CHEK2: variants seen among roughly 807,000 people sequenced by gnomAD.
The protein encoded by CHEK2 is serine/threonine-protein kinase Chk2.
CHEK2 carries 71 observed loss-of-function variants against 69.1 expected under a neutral mutation model. That is an observed-to-expected ratio of 1.03 (90% CI 0.85 to 1.25). The LOEUF is 1.25. Ranked by LOEUF, CHEK2 falls within the 50% of genes most tolerant of loss-of-function variation. CHEK2 has a pLI of 0.00. For synonymous variants in CHEK2, 189 were observed against 226.9 expected (o/e 0.83, Z 1.50); for missense variants, 664 against 649.6 (o/e 1.02, Z -0.24).
intron 7 of CHEK2, among the ~76,000 whole-genome samples, chr22:28,706,809 G>A (rs1685909547): frequency 6.6e-6 from 1 of 152,010 alleles, no homozygotes. Context: ...ATCCCAGCTA[G>A]TCAGGAGGCT....
In CHEK2 at chr22:28,727,231, C is replaced by T. The variant is rs1212431180; in HGVS notation, c.320-1864G>A. ...TAATTTTTTGTAATTTTAGTAGAGA[C>T]GGGGTTTCGCCATGTTAGACAGGAT... On this transcript the variant is annotated intron_variant, in intron 2 of 14. Transcript: ENST00000404276. Among the ~76,000 whole-genome samples the T allele has an allele frequency of 3.9e-5, 6 of 152,032 alleles. No homozygotes were observed. The South Asian group carries it at 8.3e-4, about 21-fold the overall frequency.
chr22:28,709,206 C>T (rs888878507), intron 7 of CHEK2, among the ~76,000 whole-genome samples: 3 of 152,028 alleles, frequency 2.0e-5, no homozygotes, highest in African/African-American at 7.2e-5. Context: ...GTCATCATTG[C>T]ACAAAAAGAT....
At position 28,731,073 on chromosome 22, in the gene CHEK2, C is replaced by T. The variant is rs189405730; in HGVS notation, c.319+3330G>A. Among the ~76,000 whole-genome samples the T allele has an allele frequency of 7.4e-3, 1,123 of 151,548 alleles. 15 individuals carry two copies. The highest frequency in any genetic ancestry group is 0.026 in the African/African-American group (1,083 of 41,302). ...AAAAAGTTAGCTGGGAGTGGTGGTGCACATCTGTGGTCCCAGCTACTCAGG... is the reference window on the plus strand; with the variant it reads ...AAAAAGTTAGCTGGGAGTGGTGGTGTACATCTGTGGTCCCAGCTACTCAGG... On this transcript the variant is annotated intron_variant, in intron 2 of 14. Coordinates refer to ENST00000404276, the MANE Select transcript of CHEK2 (RefSeq NM_007194.4).
At chr22:28,707,441 C>A (rs898461477) in intron 7 of CHEK2, among the ~76,000 whole-genome samples, 7 of 152,162 alleles carry the variant, frequency 4.6e-5, no homozygotes, top group Admixed American at 4.6e-4. Context: ...AGTACTGAGA[C>A]AGGAACCCAG....
Position 28,694,173 on chromosome 22 carries a change from A to G in CHEK2, c.1376-56T>C. The G allele has an allele frequency of 5.1e-6, 6 of 1,179,514 alleles. No homozygotes were observed. The Admixed American group carries it at 1.0e-4, about 20-fold the overall frequency. The allele number at this position is 1,179,514 out of a possible 1,614,324, so 73.1% of individuals were successfully genotyped here. A position where few individuals can be genotyped will look rare whatever the true frequency, so the allele number is the denominator to read the frequency against. On this transcript the variant is annotated intron_variant, in intron 12 of 14. Transcript: ENST00000404276. Reference sequence around the variant, plus strand: ...AAAGGATAAATATATTATCAGTAAGAGTATGCCAGAATTAACAGGCCACCA... The same window carrying G: ...AAAGGATAAATATATTATCAGTAAGGGTATGCCAGAATTAACAGGCCACCA...
intron 4 of CHEK2, among the ~76,000 whole-genome samples, chr22:28,723,711 A>G (rs980510277): frequency 1.3e-5 from 2 of 152,102 alleles, no homozygotes; most frequent in African/African-American, 4.8e-5. Flanking sequence ...TGGGAGGCCA[A>G]GGCAGGCAGA....
intron 7 of CHEK2, chr22:28,708,901 C>T (rs953097645): frequency 2.2e-5 from 7 of 321,048 alleles, no homozygotes; most frequent in African/African-American, 4.7e-5. Context: ...TGCAGTGAGC[C>T]GAGATTGCGC....
chr22:28,698,782 G>A (rs1301821957), intron 9 of CHEK2, among the ~76,000 whole-genome samples: 2 of 152,124 alleles, frequency 1.3e-5, no homozygotes, highest in Non-Finnish European at 2.9e-5. Context: ...CCCGCCCACT[G>A]CAGCGAACAG....
intron 2 of CHEK2, among the ~76,000 whole-genome samples, chr22:28,728,617 G>A (rs1056691223): frequency 2.6e-5 from 4 of 152,066 alleles, no homozygotes; most frequent in African/African-American, 9.7e-5. Flanking sequence ...CACAAGAATC[G>A]TTTGAACCTG....
intron 8 of CHEK2, among the ~76,000 whole-genome samples, chr22:28,702,460 G>C (rs529009701): frequency 3.3e-5 from 5 of 150,590 alleles, no homozygotes; most frequent in East Asian, 1.9e-4. Context: ...GGATGGCCTC[G>C]ATCTCCTGAC....
At chr22:28,727,373 C>T (rs1260318198) in intron 2 of CHEK2, among the ~76,000 whole-genome samples, 2 of 152,130 alleles carry the variant, frequency 1.3e-5, no homozygotes, top group African/African-American at 4.8e-5. Context: ...ACATTACTCA[C>T]CTGTTATCAT....
rs369717865 is a variant in CHEK2 at position 28,715,380 on chromosome 22, T to A, written c.684-3363A>T. 7.8e-5 allele frequency among the ~76,000 whole-genome samples: 11 copies of A among 141,654 alleles called. No homozygotes were observed. The East Asian group carries it at 1.1e-3, about 14-fold the overall frequency. The allele number at this position is 141,654 out of a possible 152,430, so 92.9% of individuals were successfully genotyped here. ...TCCAGCCATGCCTGAAGTAAGGATT[T>A]GCCTGCTTATTTTTATTTTTATTTA... On this transcript the variant is annotated intron_variant, in intron 5 of 14. Transcript: ENST00000404276.
In CHEK2 at chr22:28,725,311, C is replaced by T. The variant is rs1192210146; in HGVS notation, c.376G>A (p.Asp126Asn). Residue 126 changes from aspartate to asparagine, a missense_variant, in exon 3 of 15, where the codon GAT (aspartate) becomes AAT (asparagine). Coordinates refer to ENST00000404276, the MANE Select transcript of CHEK2 (RefSeq NM_007194.4). ...TCTGTTCTTTTCAGCAGTGGTTCAT[C>T]AAAGCAATATTCACAGCTTTTGTCC... ...GRDKSCEYCFDEPLLKRTDKY... is the reference protein window; with the variant it reads ...GRDKSCEYCFNEPLLKRTDKY... 6.2e-7 allele frequency: 1 copy of T among 1,613,956 alleles called. No homozygotes were observed. The highest frequency in any genetic ancestry group is 8.5e-7 in the Non-Finnish European group (1 of 1,179,972).
At chr22:28,707,523 C>T (rs556292558) in intron 7 of CHEK2, among the ~76,000 whole-genome samples, 23 of 152,248 alleles carry the variant, frequency 1.5e-4, no homozygotes, top group African/African-American at 5.3e-4. Context: ...TTACCACTGC[C>T]GGGGTCCACA....
At chr22:28,734,270 G>T in intron 2 of CHEK2, 133 bp downstream of exon 2, 1 of 784,532 alleles carries the variant, frequency 1.3e-6, no homozygotes, top group Non-Finnish European at 2.1e-6. Context: ...GCTTGTTCAT[G>T]CATGATGTTC....
chr22:28,731,668 C>G (rs1266919685), intron 2 of CHEK2, among the ~76,000 whole-genome samples: 1 of 152,082 alleles, frequency 6.6e-6, no homozygotes, highest in East Asian at 1.9e-4. Context: ...GTCATCCTAT[C>G]AGGATCTTTG....
At position 28,701,975 on chromosome 22, in the gene CHEK2, G is replaced by T. The variant is rs1292176323; in HGVS notation, c.908+1530C>A. On this transcript the variant is annotated intron_variant, in intron 8 of 14. Transcript: ENST00000404276. ...TACTATTTTTTTTTTTTTTGAGGCA[G>T]AGTCTCACTCCCATTGTCCAGGCTG... Among the ~76,000 whole-genome samples, 4 of 145,344 alleles carry T rather than the reference G, an allele frequency of 2.8e-5. No homozygotes were observed. In the Admixed American group the frequency reaches 2.8e-4, roughly 10 times the overall value.
chr22:28,722,554 A>G (rs1055769624), intron 4 of CHEK2, among the ~76,000 whole-genome samples: 2 of 149,686 alleles, frequency 1.3e-5, no homozygotes, highest in African/African-American at 5.0e-5. Context: ...AAAAAAAAAA[A>G]AAAAAGAAAA....
chr22:28,729,546 A>AAAAAAAAAAAAAAAAAAAAAAC, intron 2 of CHEK2, among the ~76,000 whole-genome samples: 1 of 34,344 alleles, frequency 2.9e-5, no homozygotes, highest in East Asian at 1.1e-3. Context: ...ATCTCAAAAA[A>AAAAAAAAAAAAAAAAAAAAAAC]AAAAAAAAAA....
Sources: gnomAD v4.1 joint callset for allele counts (sites outside exome capture counted in the v4.1 genomes callset) on GRCh38, gnomAD v4.1.1 for gene constraint, MANE v1.5 for transcripts, NCBI Gene and HGNC (gene_info 2026-07-23, HGNC 2026-07-21) for gene names.